The following HELZ variants were observed in gnomAD, a reference collection of about 807,000 sequenced individuals.
HELZ encodes the protein helicase with zinc finger, also known as ATP-dependent RNA helicase with zinc finger domain.
Under a neutral mutation model 218.2 loss-of-function variants are expected in HELZ, and 23 were observed. The ratio of observed to expected loss-of-function variants is 0.11; its 90% CI spans 0.08 to 0.15. HELZ has a LOEUF of 0.15. Ranked by LOEUF, HELZ falls within the 10% of genes least tolerant of loss-of-function variation. The pLI is 1.00. For synonymous variants in HELZ, 814 were observed against 829.4 expected, an observed-to-expected ratio of 0.98 and a Z score of 0.32; for missense variants, 1,813 against 2,353.7, an observed-to-expected ratio of 0.77 and a Z score of 4.75.
intron 32 of HELZ, among the ~76,000 whole-genome samples, chr17:67,083,805 C>T (rs2036271685): frequency 6.6e-6 from 1 of 152,194 alleles, no homozygotes; most frequent in African/African-American, 2.4e-5. Flanking sequence ...CTGGGTCACC[C>T]CCTTAATTGC....
chr17:67,224,615 T>A, intron 3 of HELZ: 1 of 522,688 alleles, frequency 1.9e-6, no homozygotes. Context: ...ACAGTAAGTG[T>A]AAAGAGAAAA....
At chr17:67,208,974 G>A (rs1156615823) in intron 5 of HELZ, among the ~76,000 whole-genome samples, 1 of 125,474 alleles carries the variant, frequency 8.0e-6, no homozygotes, top group Admixed American at 9.9e-5. Flanking sequence ...AAAGAGAAGA[G>A]AAGAGAAAAG....
chr17:67,207,823 A>C (rs1477087792), intron 5 of HELZ, among the ~76,000 whole-genome samples: 1 of 152,140 alleles, frequency 6.6e-6, no homozygotes. Context: ...AGCCTGGCCA[A>C]CATGGCAAAA....
intron 12 of HELZ, among the ~76,000 whole-genome samples, chr17:67,181,788 G>C (rs185861174): frequency 6.6e-5 from 10 of 152,086 alleles, no homozygotes; most frequent in Admixed American, 2.6e-4. Context: ...TGTCAAAAAT[G>C]AACTATGGCC....
intron 3 of HELZ, among the ~76,000 whole-genome samples, chr17:67,228,293 T>C (rs2040944997): frequency 6.6e-6 from 1 of 152,250 alleles, no homozygotes; most frequent in Non-Finnish European, 1.5e-5. Context: ...AAAATTTGTA[T>C]CAGAAGAATT....
chr17:67,158,958 C>T (rs963485589), intron 17 of HELZ, among the ~76,000 whole-genome samples: 4 of 152,102 alleles, frequency 2.6e-5, no homozygotes, highest in Non-Finnish European at 4.4e-5. Flanking sequence ...GGCTTTACTC[C>T]ACTGTTTTCA....
chr17:67,231,374 A>G (rs1284881854), intron 3 of HELZ, among the ~76,000 whole-genome samples: 1 of 152,110 alleles, frequency 6.6e-6, no homozygotes, highest in Non-Finnish European at 1.5e-5. Flanking sequence ...CAAGTGGATC[A>G]CAAGGTCAGG....
chr17:67,154,153 C>A (rs974006213), intron 17 of HELZ, among the ~76,000 whole-genome samples: 2 of 152,198 alleles, frequency 1.3e-5, no homozygotes, highest in African/African-American at 4.8e-5. Flanking sequence ...TTTGGCCAGG[C>A]GTGATGGCTC....
intron 2 of HELZ, among the ~76,000 whole-genome samples, chr17:67,241,091 C>T (rs1039300377): frequency 6.6e-5 from 10 of 152,316 alleles, no homozygotes; most frequent in African/African-American, 1.9e-4. Flanking sequence ...CTGCACTCAT[C>T]AACTGAAATG....
intron 32 of HELZ, among the ~76,000 whole-genome samples, chr17:67,079,446 C>A (rs2036119227): frequency 6.6e-6 from 1 of 152,138 alleles, no homozygotes; most frequent in African/African-American, 2.4e-5. Flanking sequence ...TTCATTATCA[C>A]CAATTTTTCT....
At chr17:67,106,508 C>T (rs555618119) in intron 31 of HELZ, among the ~76,000 whole-genome samples, 30 of 152,058 alleles carry the variant, frequency 2.0e-4, no homozygotes, top group Non-Finnish European at 3.1e-4. Context: ...GGGGTTTCAC[C>T]GTGTTAGCCA....
chr17:67,086,964 G>C lies in HELZ; in HGVS notation c.5359C>G (p.Leu1787Val). The C allele has an allele frequency of 1.2e-6, 2 of 1,613,960 alleles. No homozygotes were observed. The highest frequency in any genetic ancestry group is 1.7e-6 in the Non-Finnish European group (2 of 1,180,016). ...PQDSLAQCKE[L>V]QDHSNQSSFN... ...GAAGATTGGTTACTGTGGTCCTGAA[G>C]CTCTTTACACTGAGCCAGACTGTCT... The change falls in exon 32 of 33, where the codon CTT (leucine) becomes GTT (valine). Residue 1787 changes from leucine to valine, a missense_variant. This residue lies in a region of HELZ where 938 missense variants were observed against 1,027.5 expected (regional missense o/e 0.91). Transcript: ENST00000358691.
chr17:67,141,814 G>A (rs1458657527), intron 21 of HELZ, among the ~76,000 whole-genome samples: 1 of 152,168 alleles, frequency 6.6e-6, no homozygotes, highest in Non-Finnish European at 1.5e-5. Context: ...GGAGGCCAAG[G>A]TGGGTGGATC....
intron 27 of HELZ, 43 bp from the exon 28 acceptor site, chr17:67,114,446 A>G: frequency 1.8e-6 from 2 of 1,124,794 alleles, no homozygotes; most frequent in Non-Finnish European, 2.7e-6. Flanking sequence ...TCTCCAGTGG[A>G]TATGACACTT....
rs911602787 is a variant in HELZ at position 67,231,554 on chromosome 17, C to G, written c.-19+7879G>C. Among the ~76,000 whole-genome samples the G allele has an allele frequency of 4.1e-5, 6 of 145,260 alleles. No homozygotes were observed. The East Asian group carries it at 1.3e-3, about 31-fold the overall frequency. On this transcript the variant is annotated intron_variant, in intron 3 of 32. Transcript: ENST00000358691. ...CTTGCAGTGAGCCGAGATCATGCCACTGAACTCCACCCTGGGTGACAGAGC... is the reference window on the plus strand; with the variant it reads ...CTTGCAGTGAGCCGAGATCATGCCAGTGAACTCCACCCTGGGTGACAGAGC...
At chr17:67,163,429 C>G (rs374418429) in intron 15 of HELZ, among the ~76,000 whole-genome samples, 1 of 151,698 alleles carries the variant, frequency 6.6e-6, no homozygotes, top group Non-Finnish European at 1.5e-5. Context: ...GACAGAGTCT[C>G]GCTCTGTCGC....
intron 21 of HELZ, among the ~76,000 whole-genome samples, chr17:67,141,286 T>C (rs903689669): frequency 6.6e-6 from 1 of 152,150 alleles, no homozygotes; most frequent in African/African-American, 2.4e-5. Flanking sequence ...AACAACGTAA[T>C]GTTTGACAGT....
chr17:67,151,106 G>C lies in HELZ; in HGVS notation c.2296C>G (p.Arg766Gly). 6.2e-7 allele frequency: 1 copy of C among 1,613,882 alleles called. No homozygotes were observed. The highest frequency in any genetic ancestry group is 8.5e-7 in the Non-Finnish European group (1 of 1,179,840). ...MPQKEDILKH[R>G]VVVVTLNTSQ... Reference sequence around the variant, plus strand: ...GTATTCAAGGTAACAACCACCACTCGATGTTTAAGAATATCTTCTTTCTGG... The same window carrying C: ...GTATTCAAGGTAACAACCACCACTCCATGTTTAAGAATATCTTCTTTCTGG... Residue 766 changes from arginine to glycine, a missense_variant, in exon 18 of 33, where the codon CGA (arginine) becomes GGA (glycine). Arg to Gly is a moderately radical substitution (Grantham distance 125). Around this residue, in one of 4 missense-constraint regions of HELZ, gnomAD observed 714 missense variants for 1,029.2 expected, o/e 0.69. Coordinates refer to ENST00000358691, the MANE Select transcript of HELZ (RefSeq NM_014877.4).
At chr17:67,170,614 G>A (rs1010672569) in intron 13 of HELZ, among the ~76,000 whole-genome samples, 1 of 151,890 alleles carries the variant, frequency 6.6e-6, no homozygotes, top group African/African-American at 2.4e-5. Flanking sequence ...ATCACTTGAG[G>A]TCAGGAGTTC....
Sources: gnomAD v4.1 joint callset for allele counts (sites outside exome capture counted in the v4.1 genomes callset) on GRCh38, gnomAD v4.1.1 for gene constraint, gnomAD v4.1.1 regional missense constraint, MANE v1.5 for transcripts, NCBI Gene and HGNC (gene_info 2026-07-23, HGNC 2026-07-21) for gene names.